HIRA: variants seen among roughly 807,000 people sequenced by gnomAD.
The protein encoded by HIRA is protein HIRA.
Under a neutral mutation model 126.6 loss-of-function variants are expected in HIRA, and 13 were observed. That is an observed-to-expected ratio of 0.10 (90% CI 0.07 to 0.16). The LOEUF (loss-of-function observed/expected upper bound fraction) is 0.16. Among genes scored for constraint, HIRA ranks in the 10% least tolerant of loss-of-function variants. The pLI is 1.00. For synonymous variants in HIRA, 511 were observed against 520.0 expected, an observed-to-expected ratio of 0.98 and a Z score of 0.24; for missense variants, 834 against 1,314.4, an observed-to-expected ratio of 0.63 and a Z score of 5.65.
At chr22:19,429,133 C>CTTTTTTTTTTTTTTTTTTTTTTTTTTTT (rs57853722) in intron 1 of HIRA, among the ~76,000 whole-genome samples, 2 of 77,244 alleles carry the variant, frequency 2.6e-5, no homozygotes, top group Non-Finnish European at 2.3e-5. Context: ...GTTGCCATAT[C>CTTTTTTTTTTTTTTTTTTTTTTTTTTTT]TTTTTTTTTT....
chr22:19,334,040 T>C (rs1171825714), intron 24 of HIRA, among the ~76,000 whole-genome samples: 2 of 151,672 alleles, frequency 1.3e-5, no homozygotes, highest in African/African-American at 4.8e-5. Context: ...AGTGGTGTGA[T>C]CTCGGCTCAC....
intron 13 of HIRA, among the ~76,000 whole-genome samples, chr22:19,382,280 G>T (rs890784015): frequency 2.6e-5 from 4 of 152,058 alleles, no homozygotes; most frequent in African/African-American, 9.7e-5. Context: ...TTCTCACCAG[G>T]TAACGCCTGG....
intron 24 of HIRA, among the ~76,000 whole-genome samples, chr22:19,335,481 G>C (rs782313613): frequency 8.5e-5 from 13 of 152,222 alleles, no homozygotes; most frequent in Non-Finnish European, 1.6e-4. Context: ...CTGGCCTCAA[G>C]TGATCTGTCC....
intron 1 of HIRA, among the ~76,000 whole-genome samples, chr22:19,423,483 A>G (rs1298453587): frequency 2.5e-5 from 1 of 40,214 alleles, no homozygotes; most frequent in Non-Finnish European, 5.1e-5. Context: ...ACACATGCAT[A>G]CACACACACA....
chr22:19,431,651 G>A lies in HIRA; in HGVS notation c.-175C>T, dbSNP rs923450041. The A allele has an allele frequency of 3.9e-5, 22 of 566,452 alleles. No homozygotes were observed. Among genetic ancestry groups the A allele is most frequent in the Non-Finnish European group, 5.3e-5 (22 of 413,958 alleles). The allele number at this position is 566,452 out of a possible 1,614,324, so 35.1% of individuals were successfully genotyped here. On this transcript the variant is annotated 5_prime_UTR_variant, in exon 1 of 25. Transcript: ENST00000263208. ...GCCCGCGCCCCCCTCCGCCGCCACA[G>A]CCGCCACCCGCGCTCGGCCGCCGCC...
chr22:19,370,391 G>A (rs909387451), intron 15 of HIRA, among the ~76,000 whole-genome samples: 2 of 152,008 alleles, frequency 1.3e-5, no homozygotes, highest in African/African-American at 4.8e-5. Context: ...CTACAGGCAC[G>A]CACCACCATG....
At chr22:19,390,627 A>AAAAAAAAAAAAAG (rs61174807) in intron 9 of HIRA, among the ~76,000 whole-genome samples, 1 of 149,070 alleles carries the variant, frequency 6.7e-6, no homozygotes, top group Non-Finnish European at 1.5e-5. Context: ...AAAAAAAAAA[A>AAAAAAAAAAAAAG]GAAGCTGAAG....
chr22:19,368,690 C>T (rs2088936885), intron 15 of HIRA, among the ~76,000 whole-genome samples: 1 of 152,082 alleles, frequency 6.6e-6, no homozygotes, highest in Non-Finnish European at 1.5e-5. Flanking sequence ...TATTGTGAAA[C>T]ATGGAAAAAA....
At chr22:19,355,722 C>G in intron 21 of HIRA, 38 bp downstream of exon 21, 2 of 1,450,956 alleles carry the variant, frequency 1.4e-6, no homozygotes, top group Non-Finnish European at 1.9e-6. Context: ...CAGACAGACA[C>G]TCTTCCAGGG....
At chr22:19,358,137 T>G (rs538514669) in intron 18 of HIRA, among the ~76,000 whole-genome samples, 39 of 152,210 alleles carry the variant, frequency 2.6e-4, no homozygotes, top group African/African-American at 9.1e-4. Flanking sequence ...GTAGCTGGGA[T>G]TACAGGCACA....
At chr22:19,409,169 T>C (rs1458156058) in intron 2 of HIRA, among the ~76,000 whole-genome samples, 2 of 152,170 alleles carry the variant, frequency 1.3e-5, no homozygotes, top group East Asian at 1.9e-4. Context: ...TATCCACCCT[T>C]TGCAGTTACC....
chr22:19,414,835 A>C (rs5993633), intron 1 of HIRA, among the ~76,000 whole-genome samples: 23,071 of 152,182 alleles, frequency 0.15, 3,834 homozygotes, highest in African/African-American at 0.41. Context: ...CAGCCTGACC[A>C]ACAGGCGCAC....
chr22:19,369,785 A>T (rs1296899981), intron 15 of HIRA, among the ~76,000 whole-genome samples: 3 of 152,042 alleles, frequency 2.0e-5, no homozygotes, highest in Admixed American at 6.5e-5. Context: ...TACAAAAATT[A>T]GCCGGGCGTC....
Position 19,348,932 on chromosome 22 carries a change from CAT to C in HIRA, c.2937+2424_2937+2425del, listed in dbSNP as rs559571634. 5.4e-3 allele frequency among the ~76,000 whole-genome samples: 797 copies of C among 148,472 alleles called. 7 individuals are homozygous for C. Among genetic ancestry groups the C allele is most frequent in the Middle Eastern group, 0.023 (6 of 264 alleles). Reference sequence around the variant, plus strand: ...TCCCGAGTAGCTGGGATTACAGGCACATGTCACCAAGCCCAGCTAATTTTTTT... The same window carrying C: ...TCCCGAGTAGCTGGGATTACAGGCACGTCACCAAGCCCAGCTAATTTTTTT... On this transcript the variant is annotated intron_variant, in intron 24 of 24. Coordinates refer to ENST00000263208, the MANE Select transcript of HIRA (RefSeq NM_003325.4).
chr22:19,361,494 A>C (rs1437838584), intron 16 of HIRA, among the ~76,000 whole-genome samples, 153 bp from the exon 17 acceptor site: 1 of 152,170 alleles, frequency 6.6e-6, no homozygotes, highest in Admixed American at 6.5e-5. Flanking sequence ...AAGGATCCTA[A>C]CCTCATGGAC....
Position 19,395,256 on chromosome 22 carries a change from A to G in HIRA, c.655-747T>C, listed in dbSNP as rs144444632. On this transcript the variant is annotated intron_variant, in intron 7 of 24. Coordinates refer to ENST00000263208, the MANE Select transcript of HIRA (RefSeq NM_003325.4). ...TTAAGGGTTAAGATCATGACCTCAC[A>G]GCTCTAGAGCAGGACATGACAAACC... Among the ~76,000 whole-genome samples, 454 of 152,282 alleles carry G rather than the reference A, an allele frequency of 3.0e-3. 3 individuals are homozygous for G. Among genetic ancestry groups the G allele is most frequent in the African/African-American group, 0.01 (424 of 41,560 alleles).
chr22:19,352,539 G>A (rs186385009), intron 23 of HIRA, among the ~76,000 whole-genome samples: 7 of 152,094 alleles, frequency 4.6e-5, no homozygotes, highest in African/African-American at 1.2e-4. Flanking sequence ...ATTTGCTGTC[G>A]TTTACAAGTG....
At chr22:19,377,743 T>G (rs1158477371) in intron 14 of HIRA, 126 bp downstream of exon 14, 1 of 839,532 alleles carries the variant, frequency 1.2e-6, no homozygotes, top group Non-Finnish European at 1.8e-6. Context: ...AAATCACGCA[T>G]TTTTTTCTTT....
chr22:19,398,120 C>T, intron 5 of HIRA, 33 bp from the exon 6 acceptor site: 7 of 1,537,880 alleles, frequency 4.6e-6, no homozygotes, highest in Non-Finnish European at 5.4e-6. Flanking sequence ...GGTGAGATCT[C>T]TTACCTGGTG....
Sources: allele counts gnomAD v4.1 joint callset (sites outside exome capture counted in the v4.1 genomes callset), GRCh38; gene constraint gnomAD v4.1.1; transcripts MANE v1.5; gene names NCBI Gene and HGNC (gene_info 2026-07-23, HGNC 2026-07-21).